The following TLR6 variants were observed in gnomAD, a reference collection of about 807,000 sequenced individuals.
TLR6 encodes toll like receptor 6, also known as toll-like receptor 6.
In TLR6, 9 loss-of-function variants were observed where a neutral mutation model predicts 16.1. The observed-to-expected ratio is 0.56, with a 90% CI of 0.34 to 0.98. The LOEUF is 0.98. Ranked by LOEUF, TLR6 falls within the 50% of genes least tolerant of loss-of-function variation. The pLI, the probability that TLR6 is intolerant of heterozygous loss-of-function variation, is 0.02. For synonymous variants in TLR6, 340 were observed against 338.6 expected (o/e 1.00, Z -0.04); for missense variants, 786 against 921.0 (o/e 0.85, Z 1.90).
exon 2 of TLR6, chr4:38,829,265 G>A: frequency 1.9e-6 from 3 of 1,614,196 alleles, no homozygotes; most frequent in Non-Finnish European, 1.7e-6. Flanking sequence ...GCTCATGTCA[G>A]AGACCTGAAG....
chr4:38,828,324 A>G (rs1406544285), exon 2 of TLR6: 3 of 1,613,318 alleles, frequency 1.9e-6, no homozygotes, highest in Non-Finnish European at 2.5e-6. Flanking sequence ...TTCTTTTGTA[A>G]GATAAGTGTC....
intron 1 of TLR6, among the ~76,000 whole-genome samples, chr4:38,842,534 A>G (rs115274333): frequency 3.9e-4 from 60 of 152,324 alleles, no homozygotes; most frequent in African/African-American, 1.4e-3. Context: ...TTCTACAGGG[A>G]AAGCAAGGAG....
upstream of TLR6, among the ~76,000 whole-genome samples, chr4:38,858,974 A>C (rs936275496): frequency 1.3e-5 from 2 of 152,244 alleles, no homozygotes; most frequent in African/African-American, 4.8e-5. Flanking sequence ...AAATCTAGCC[A>C]TTTACACAGG....
At chr4:38,847,400 C>T (rs892840844) in intron 1 of TLR6, among the ~76,000 whole-genome samples, 18 of 152,040 alleles carry the variant, frequency 1.2e-4, no homozygotes, top group Non-Finnish European at 2.2e-4. Flanking sequence ...AGCTGAGGTA[C>T]CGGGTTCATC....
chr4:38,828,638 T>TTGGG lies in TLR6; in HGVS notation c.835_836insCCCA (p.Glu279AlafsTer13). The TTGGG allele has an allele frequency of 6.2e-7, 1 of 1,614,130 alleles. No individual in the cohort carries two copies. The highest frequency in any genetic ancestry group is 8.5e-7 in the Non-Finnish European group (1 of 1,179,964). ...TGTTAAATTGTAAATATTGAGATAT[T>TTGGG]CCACAGGTTTGGGCCAAAGAAATTG... On this transcript the variant is annotated frameshift_variant, in exon 2 of 2. Transcript: ENST00000436693. LOFTEE classifies it low-confidence loss of function (END_TRUNC).
Position 38,855,043 on chromosome 4 carries a change from T to TAA in TLR6, c.-65+1716_-65+1717dup, listed in dbSNP as rs546122194. Among the ~76,000 whole-genome samples, 87 of 149,998 alleles carry TAA rather than the reference T, an allele frequency of 5.8e-4. 1 individual carries two copies. The South Asian group carries it at 0.017, about 29-fold the overall frequency. On this transcript the variant is annotated intron_variant, in intron 1 of 1. Coordinates refer to ENST00000436693, the Ensembl canonical transcript of TLR6. ...GCTAACGGTGAAACCCCGTCTCTACTAAAAAAAAATACAAAAAAATTAGCC... is the reference window on the plus strand; with the variant it reads ...GCTAACGGTGAAACCCCGTCTCTACTAAAAAAAAAAATACAAAAAAATTAGCC...
chr4:38,830,612 G>A lies in TLR6; in HGVS notation c.-64-1075C>T, dbSNP rs147305232. ...TGCCTATAGTCCCAGCTACTTGGGA[G>A]GCTGAGTGGGAGGATTGTTTGGGGC... On this transcript the variant is annotated intron_variant, in intron 1 of 1. Transcript: ENST00000436693. Among the ~76,000 whole-genome samples, 216 of 152,258 alleles carry A rather than the reference G, an allele frequency of 1.4e-3. 1 individual carries two copies. Among genetic ancestry groups the A allele is most frequent in the African/African-American group, 5.0e-3 (206 of 41,550 alleles).
chr4:38,854,469 A>G (rs1712889714), intron 1 of TLR6, among the ~76,000 whole-genome samples: 2 of 152,228 alleles, frequency 1.3e-5, no homozygotes, highest in African/African-American at 4.8e-5. Context: ...ATTTAAGCAT[A>G]AAAAGAGGAA....
At chr4:38,851,865 A>C (rs1437038436) in intron 1 of TLR6, among the ~76,000 whole-genome samples, 1 of 152,204 alleles carries the variant, frequency 6.6e-6, no homozygotes, top group African/African-American at 2.4e-5. Context: ...TCTTCACAGA[A>C]CTGGAAAAAA....
At chr4:38,829,391 A>T in exon 2 of TLR6, 1 of 1,614,046 alleles carries the variant, frequency 6.2e-7, no homozygotes, top group Non-Finnish European at 8.5e-7. Flanking sequence ...TCCGTCGGAG[A>T]ACTGGATTCT....
chr4:38,828,430 A>G (rs1355651046), exon 2 of TLR6: 2 of 1,614,144 alleles, frequency 1.2e-6, no homozygotes, highest in Non-Finnish European at 1.7e-6. Flanking sequence ...GTGCATGAGG[A>G]CACAGCATGT....
chr4:38,839,896 T>G (rs562055173), intron 1 of TLR6, among the ~76,000 whole-genome samples: 2 of 152,360 alleles, frequency 1.3e-5, no homozygotes, highest in African/African-American at 4.8e-5. Flanking sequence ...CACTCGACAG[T>G]GGTGCCAGTG....
At chr4:38,861,327 C>A (rs1713189724), upstream of TLR6, among the ~76,000 whole-genome samples, 1 of 152,100 alleles carries the variant, frequency 6.6e-6, no homozygotes, top group Non-Finnish European at 1.5e-5. Flanking sequence ...TCTTGTCCTG[C>A]ACCCTACCTC....
chr4:38,830,875 G>A (rs893227627), intron 1 of TLR6, among the ~76,000 whole-genome samples: 6 of 152,036 alleles, frequency 3.9e-5, no homozygotes, highest in Admixed American at 2.6e-4. Context: ...CTTGCTCTAC[G>A]TTTTGCCCTG....
chr4:38,846,408 T>C (rs1036590828), intron 1 of TLR6, among the ~76,000 whole-genome samples: 1 of 152,124 alleles, frequency 6.6e-6, no homozygotes, highest in African/African-American at 2.4e-5. Flanking sequence ...AGACAATTAT[T>C]GAAAAGAAAA....
At chr4:38,838,687 T>C (rs1712061607) in intron 1 of TLR6, among the ~76,000 whole-genome samples, 1 of 152,102 alleles carries the variant, frequency 6.6e-6, no homozygotes, top group Non-Finnish European at 1.5e-5. Context: ...GTAGGGTGAC[T>C]ATAGCTAACA....
In TLR6 at chr4:38,838,962, A is replaced by G. The variant is rs1189185252; in HGVS notation, c.-64-9425T>C. On this transcript the variant is annotated intron_variant, in intron 1 of 1. Transcript: ENST00000436693. ...GAAGGAAGGGAGGAAGGAAGGAAGG[A>G]AGGGGAGGAAGGAAAGAAAGGAGGG... 6.1e-3 allele frequency among the ~76,000 whole-genome samples: 680 copies of G among 111,330 alleles called. 13 individuals carry two copies. Among genetic ancestry groups the G allele is most frequent in the African/African-American group, 0.031 (626 of 20,316 alleles). 73.0% of individuals were successfully genotyped at this position (111,330 alleles called of 152,430 possible).
intron 1 of TLR6, among the ~76,000 whole-genome samples, chr4:38,838,772 T>C (rs1050201109): frequency 6.6e-6 from 1 of 151,950 alleles, no homozygotes; most frequent in Non-Finnish European, 1.5e-5. Flanking sequence ...CAAAATGATG[T>C]ATGTTTGAGA....
intron 1 of TLR6, among the ~76,000 whole-genome samples, chr4:38,836,204 GA>G (rs963936626): frequency 1.3e-5 from 2 of 151,720 alleles, no homozygotes; most frequent in Non-Finnish European, 2.9e-5. Flanking sequence ...TTTTTGAAAA[GA>G]TAAACAAAAC....
Sources: allele counts gnomAD v4.1 joint callset (sites outside exome capture counted in the v4.1 genomes callset), GRCh38; gene constraint gnomAD v4.1.1; transcripts MANE v1.5; gene names NCBI Gene and HGNC (gene_info 2026-07-23, HGNC 2026-07-21).